OR2G6: variants seen among roughly 807,000 people sequenced by gnomAD.
OR2G6 encodes the protein olfactory receptor 2G6.
For synonymous variants in OR2G6, 183 were observed against 155.2 expected (o/e 1.18, Z -1.33); for missense variants, 457 against 391.3 (o/e 1.17, Z -1.42).
chr1:248,519,542 T>TGCATATGGCTAGCCAGTTTTCC (rs1664236550), intron 1 of OR2G6, among the ~76,000 whole-genome samples: 3 of 152,110 alleles, frequency 2.0e-5, no homozygotes, highest in Non-Finnish European at 4.4e-5. Flanking sequence ...TTCAGTTTTC[T>TGCATATGGCTAGCCAGTTTTCC]GCATATGGCT....
In OR2G6 at chr1:248,523,468, T is replaced by C. The variant is rs1056997882; in HGVS notation, c.*871T>C. ...TATACAAAATTCATAAAATAAGTTA[T>C]TGTTTTTGGCCTTAAACTCTGGAAA... On this transcript the variant is annotated 3_prime_UTR_variant, in exon 2 of 2. Coordinates refer to ENST00000641804, the MANE Select transcript of OR2G6 (RefSeq NM_001013355.2). 6.6e-6 allele frequency: 1 copy of C among 152,120 alleles called. No homozygotes were observed. Among genetic ancestry groups the C allele is most frequent in the Non-Finnish European group, 1.5e-5 (1 of 68,044 alleles). The allele number at this position is 152,120 out of a possible 1,614,324, so 9.4% of individuals were successfully genotyped here. A position where few individuals can be genotyped will look rare whatever the true frequency, so the allele number is the denominator to read the frequency against.
At chr1:248,519,909 C>G (rs1423742657) in intron 1 of OR2G6, among the ~76,000 whole-genome samples, 1 of 152,020 alleles carries the variant, frequency 6.6e-6, no homozygotes, top group African/African-American at 2.4e-5. Flanking sequence ...GAATCTATAA[C>G]TTACTTTGGG....
In OR2G6 at chr1:248,522,005, A is replaced by C. The variant is rs536536034; in HGVS notation, c.359A>C (p.Tyr120Ser). Residue 120 changes from tyrosine (Y) to serine (S), a missense_variant, in exon 2 of 2, where the codon TAT becomes TCT. Transcript: ENST00000641804. ...SECILLAVMA[Y>S]DRYAAVCRPL... is the part of the protein sequence containing the mutation. ...TGTATTCTCTTGGCCGTCATGGCTT[A>C]TGACCGCTATGCTGCTGTCTGCCGG... 16 of 1,614,130 alleles carry C rather than the reference A, an allele frequency of 9.9e-6. No homozygotes were observed. In the South Asian group the frequency reaches 1.5e-4, roughly 16 times the overall value.
In OR2G6 at chr1:248,524,804, G is replaced by A. The variant is rs1385069211; in HGVS notation, c.*2207G>A. 2.0e-5 allele frequency: 3 copies of A among 151,822 alleles called. No individual in the cohort carries two copies. Among genetic ancestry groups the A allele is most frequent in the African/African-American group, 7.3e-5 (3 of 41,338 alleles). 9.4% of individuals were successfully genotyped at this position (151,822 alleles called of 1,614,324 possible). A position where few individuals can be genotyped will look rare whatever the true frequency, so the allele number is the denominator to read the frequency against. ...ATACAATAAATTCAAACATAATTCA[G>A]AAAAAAATAGAATATCTGCTTATTG... On this transcript the variant is annotated 3_prime_UTR_variant, in exon 2 of 2. Transcript: ENST00000641804.
chr1:248,520,568 ATAT>A (rs1299598705), intron 1 of OR2G6, among the ~76,000 whole-genome samples: 1 of 152,130 alleles, frequency 6.6e-6, no homozygotes, highest in Non-Finnish European at 1.5e-5. Context: ...TAGCTTGTGA[ATAT>A]TAGTCAAGAT....
At position 248,526,116 on chromosome 1, in the gene OR2G6, G is replaced by A. The variant is rs748498061; in HGVS notation, c.*3519G>A. 6.6e-6 allele frequency: 1 copy of A among 152,058 alleles called. No homozygotes were observed. The highest frequency in any genetic ancestry group is 1.5e-5 in the Non-Finnish European group (1 of 68,020). 9.4% of individuals were successfully genotyped at this position (152,058 alleles called of 1,614,324 possible). ...AAAAGTACCAAGAAAAATAAACAAG[G>A]GTCTTATAATAAAAGCAACACAGAA... On this transcript the variant is annotated 3_prime_UTR_variant, in exon 2 of 2. Transcript: ENST00000641804.
chr1:248,523,678 CTCTA>C lies in OR2G6; in HGVS notation c.*1085_*1088del, dbSNP rs1221857236. 6.3e-5 allele frequency: 9 copies of C among 143,196 alleles called. No individual in the cohort carries two copies. The South Asian group carries it at 8.8e-4, about 14-fold the overall frequency. 8.9% of individuals were successfully genotyped at this position (143,196 alleles called of 1,614,324 possible). ...CTTTTACTTTCTGATTTAATTCTGT[CTCTA>C]TCTCTCTGTGTATCTTTGTGTGTCT... On this transcript the variant is annotated 3_prime_UTR_variant, in exon 2 of 2. Transcript: ENST00000641804.
Position 248,522,356 on chromosome 1 carries a change from C to A in OR2G6, c.710C>A (p.Ala237Asp), listed in dbSNP as rs372116916. 2 of 1,614,162 alleles carry A rather than the reference C, an allele frequency of 1.2e-6. No individual in the cohort carries two copies. Among genetic ancestry groups the A allele is most frequent in the African/African-American group, 1.3e-5 (1 of 75,038 alleles). ...RIKSAAGRQKAFGTCSSHLVV... is the reference protein window; with the variant it reads ...RIKSAAGRQKDFGTCSSHLVV... Reference sequence around the variant, plus strand: ...AAATCAGCTGCGGGCCGCCAAAAGGCCTTTGGGACCTGTTCGTCTCACCTG... The same window carrying A: ...AAATCAGCTGCGGGCCGCCAAAAGGACTTTGGGACCTGTTCGTCTCACCTG... The change falls in exon 2 of 2, where the codon GCC (alanine) becomes GAC (aspartate). Residue 237 changes from alanine (A) to aspartate (D), a missense_variant. Physicochemically the swap from Ala to Asp is moderately radical, Grantham distance 126. Transcript: ENST00000641804.
chr1:248,521,681 T>C lies in OR2G6; in HGVS notation c.35T>C (p.Phe12Ser). The change falls in exon 2 of 2, where the codon TTT becomes TCT. Residue 12 changes from phenylalanine (F) to serine (S), a missense_variant. By Grantham distance (155) the Phe-to-Ser change is radical. Coordinates refer to ENST00000641804, the MANE Select transcript of OR2G6 (RefSeq NM_001013355.2). ...EETNNSSEKG[F>S]LLLGFSDQPQ... ...ACCAACAACAGCTCTGAAAAGGGAT[T>C]TCTTCTCCTGGGATTTTCAGATCAG... 1 of 1,613,964 alleles carries C rather than the reference T, an allele frequency of 6.2e-7. No individual in the cohort carries two copies. Among genetic ancestry groups the C allele is most frequent in the Non-Finnish European group, 8.5e-7 (1 of 1,179,960 alleles).
Position 248,525,753 on chromosome 1 carries a change from C to T in OR2G6, c.*3156C>T, listed in dbSNP as rs1332785685. The T allele has an allele frequency of 6.8e-6, 1 of 148,092 alleles. No homozygotes were observed. The highest frequency in any genetic ancestry group is 1.5e-5 in the Non-Finnish European group (1 of 67,980). The allele number at this position is 148,092 out of a possible 1,614,324, so 9.2% of individuals were successfully genotyped here. A position where few individuals can be genotyped will look rare whatever the true frequency, so the allele number is the denominator to read the frequency against. ...ATCTTAGGCAGGGCACAGTGGCTCA[C>T]ACTTGTAATCATAGCACTTTGGGAG... On this transcript the variant is annotated 3_prime_UTR_variant, in exon 2 of 2. Transcript: ENST00000641804.
In OR2G6 at chr1:248,521,686, C is replaced by G. The variant is rs1276948378; in HGVS notation, c.40C>G (p.Leu14Val). ...TNNSSEKGFLLLGFSDQPQLE... is the reference protein window; with the variant it reads ...TNNSSEKGFLVLGFSDQPQLE... ...CAACAGCTCTGAAAAGGGATTTCTT[C>G]TCCTGGGATTTTCAGATCAGCCTCA... Residue 14 changes from leucine (L) to valine (V), a missense_variant, in exon 2 of 2, where the codon CTC becomes GTC. Physicochemically the swap from Leu to Val is conservative, Grantham distance 32 (BLOSUM62 1). Transcript: ENST00000641804. 15 of 1,613,840 alleles carry G rather than the reference C, an allele frequency of 9.3e-6. No individual in the cohort carries two copies. The highest frequency in any genetic ancestry group is 1.3e-5 in the African/African-American group (1 of 74,896).
rs1664337617 is a variant in OR2G6 at position 248,523,638 on chromosome 1, T to C, written c.*1041T>C. On this transcript the variant is annotated 3_prime_UTR_variant, in exon 2 of 2. Transcript: ENST00000641804. The stretch of plus-strand genomic sequence containing the variant: ...TAGAAGCATTTTAATAAATGTATTC[T>C]TATATTTGACCAAACTTTTACTTTC... 6.6e-6 allele frequency: 1 copy of C among 151,368 alleles called. No homozygotes were observed. The highest frequency in any genetic ancestry group is 2.4e-5 in the African/African-American group (1 of 41,144). 9.4% of individuals were successfully genotyped at this position (151,368 alleles called of 1,614,324 possible). A position where few individuals can be genotyped will look rare whatever the true frequency, so the allele number is the denominator to read the frequency against.
At position 248,523,420 on chromosome 1, in the gene OR2G6, A is replaced by G. The variant is rs185924349; in HGVS notation, c.*823A>G. 1.2e-4 allele frequency: 18 copies of G among 152,326 alleles called. No individual in the cohort carries two copies. The East Asian group carries it at 3.5e-3, about 29-fold the overall frequency. 9.4% of individuals were successfully genotyped at this position (152,326 alleles called of 1,614,324 possible). On this transcript the variant is annotated 3_prime_UTR_variant, in exon 2 of 2. Coordinates refer to ENST00000641804, the MANE Select transcript of OR2G6 (RefSeq NM_001013355.2). ...ATTAAAAGTTGAGTAAAATTGCCAT[A>G]TACTAAAATGTGTTTTAACATTTAT...
Position 248,522,431 on chromosome 1 carries a change from C to A in OR2G6, c.785C>A (p.Pro262Gln), listed in dbSNP as rs146486539. The change falls in exon 2 of 2, where the codon CCG (proline) becomes CAG (glutamine). Residue 262 changes from proline to glutamine, a missense_variant. Physicochemically the swap from Pro to Gln is moderately conservative, Grantham distance 76. Transcript: ENST00000641804. ...YGTIIFMYLQPANRRSKNQGK... is the reference protein window; with the variant it reads ...YGTIIFMYLQQANRRSKNQGK... ...ACCATCATATTCATGTACCTTCAAC[C>A]GGCCAATAGGAGATCCAAAAACCAG... The A allele has an allele frequency of 6.2e-7, 1 of 1,614,136 alleles. No homozygotes were observed. The highest frequency in any genetic ancestry group is 8.5e-7 in the Non-Finnish European group (1 of 1,180,038).
At chr1:248,519,585 G>C (rs1664237302) in intron 1 of OR2G6, among the ~76,000 whole-genome samples, 1 of 152,014 alleles carries the variant, frequency 6.6e-6, no homozygotes, top group Admixed American at 6.6e-5. Flanking sequence ...TATTAAACAG[G>C]GAATTTTTTT....
In OR2G6 at chr1:248,509,200, CA is replaced by C. The variant is rs1449767537; in HGVS notation, c.-37+772del. 6.7e-3 allele frequency among the ~76,000 whole-genome samples: 128 copies of C among 19,046 alleles called. 8 individuals are homozygous for C. The highest frequency in any genetic ancestry group is 0.041 in the African/African-American group (119 of 2,896). 12.5% of individuals were successfully genotyped at this position (19,046 alleles called of 152,430 possible). A position where few individuals can be genotyped will look rare whatever the true frequency, so the allele number is the denominator to read the frequency against. On this transcript the variant is annotated intron_variant, in intron 1 of 1. Transcript: ENST00000641804. ...TGTCACTGAAACCTTATACCCATTG[CA>C]CAGTAGATCAAGAGAAGAAATACTT...
At position 248,526,051 on chromosome 1, in the gene OR2G6, T is replaced by C. The variant is rs537823767; in HGVS notation, c.*3454T>C. On this transcript the variant is annotated 3_prime_UTR_variant, in exon 2 of 2. Transcript: ENST00000641804. Reference sequence around the variant, plus strand: ...AAGAAAAAAATGTATATGTTATCACTTTGGTCTCATTTGAGTATGAATGAT... The same window carrying C: ...AAGAAAAAAATGTATATGTTATCACCTTGGTCTCATTTGAGTATGAATGAT... 6.6e-6 allele frequency: 1 copy of C among 151,938 alleles called. No individual in the cohort carries two copies. The highest frequency in any genetic ancestry group is 2.1e-4 in the South Asian group (1 of 4,800). 9.4% of individuals were successfully genotyped at this position (151,938 alleles called of 1,614,324 possible).
At chr1:248,519,959 A>G (rs1664245721) in intron 1 of OR2G6, among the ~76,000 whole-genome samples, 1 of 74,332 alleles carries the variant, frequency 1.3e-5, no homozygotes, top group African/African-American at 5.1e-5. Flanking sequence ...AAATCATTCT[A>G]TAAAGTCACA....
At position 248,523,639 on chromosome 1, in the gene OR2G6, T is replaced by C. The variant is rs1282274544; in HGVS notation, c.*1042T>C. ...AGAAGCATTTTAATAAATGTATTCT[T>C]ATATTTGACCAAACTTTTACTTTCT... On this transcript the variant is annotated 3_prime_UTR_variant, in exon 2 of 2. Transcript: ENST00000641804. 6.6e-6 allele frequency: 1 copy of C among 151,098 alleles called. No homozygotes were observed. The highest frequency in any genetic ancestry group is 2.4e-5 in the African/African-American group (1 of 41,026). 9.4% of individuals were successfully genotyped at this position (151,098 alleles called of 1,614,324 possible). A position where few individuals can be genotyped will look rare whatever the true frequency, so the allele number is the denominator to read the frequency against.
Sources: allele counts gnomAD v4.1 joint callset (sites outside exome capture counted in the v4.1 genomes callset), GRCh38; gene constraint gnomAD v4.1.1; transcripts MANE v1.5; gene names NCBI Gene and HGNC (gene_info 2026-07-23, HGNC 2026-07-21).